Variants in LINGO2 observed in about 807,000 individuals in gnomAD.
LINGO2 encodes the protein leucine rich repeat and Ig domain containing 2, also known as leucine-rich repeat and immunoglobulin-like domain-containing nogo receptor-interacting protein 2.
A neutral mutation model predicts 30.6 loss-of-function variants in LINGO2; 14 were observed. The ratio of observed to expected loss-of-function variants is 0.46; its 90% CI spans 0.30 to 0.72. LINGO2 has a LOEUF of 0.72. LINGO2 is among the 30% of genes least tolerant of loss of function. The pLI, the probability that LINGO2 is intolerant of heterozygous loss-of-function variation, is 0.07. For synonymous variants in LINGO2, 317 were observed against 288.5 expected, an observed-to-expected ratio of 1.10 and a Z score of -1.00; for missense variants, 729 against 751.7, an observed-to-expected ratio of 0.97 and a Z score of 0.35.
At chr9:28,821,952 A>C in the LINGO2 span, among the ~76,000 whole-genome samples, 1 of 152,200 alleles carries the variant, frequency 6.6e-6, no homozygotes, top group Non-Finnish European at 1.5e-5. Flanking sequence ...CACTGACAGA[A>C]GGAGTCAAGG....
chr9:28,078,286 T>A (rs1177278931), intron 4 of LINGO2, among the ~76,000 whole-genome samples: 2 of 148,886 alleles, frequency 1.3e-5, no homozygotes, highest in African/African-American at 5.2e-5. Flanking sequence ...GCAGGGCAAC[T>A]GAGAGGATGT....
At chr9:27,952,862 G>A (rs940970941) in intron 5 of LINGO2, among the ~76,000 whole-genome samples, 6 of 152,042 alleles carry the variant, frequency 3.9e-5, no homozygotes, top group Non-Finnish European at 7.4e-5. Flanking sequence ...AGAAACCCAG[G>A]AAGGAAGAGA....
the LINGO2 span, among the ~76,000 whole-genome samples, chr9:28,977,120 A>G: frequency 4.6e-5 from 7 of 152,144 alleles, no homozygotes; most frequent in Non-Finnish European, 8.8e-5. Flanking sequence ...AAAGTTACCA[A>G]TCTTCTCATA....
the LINGO2 span, among the ~76,000 whole-genome samples, chr9:28,995,664 T>C: frequency 6.6e-6 from 1 of 152,274 alleles, no homozygotes; most frequent in East Asian, 1.9e-4. Context: ...ATGTGGCACA[T>C]ATACACTATG....
chr9:28,178,271 G>A lies in LINGO2; in HGVS notation c.-87+116937C>T, dbSNP rs547905150. Among the ~76,000 whole-genome samples the A allele has an allele frequency of 9.2e-5, 14 of 152,180 alleles. No homozygotes were observed. In the East Asian group the frequency reaches 2.5e-3, roughly 27 times the overall value. On this transcript the variant is annotated intron_variant, in intron 4 of 5. Transcript: ENST00000379992. ...TAAATTGTGACTTAGAGACGGTAGC[G>A]TATACATTATATTAAAATGTCTGGG...
chr9:28,917,944 G>C, the LINGO2 span, among the ~76,000 whole-genome samples: 2 of 151,974 alleles, frequency 1.3e-5, no homozygotes, highest in Admixed American at 6.6e-5. Flanking sequence ...AGGCATATCT[G>C]CTGTGACAAA....
intron 1 of LINGO2, among the ~76,000 whole-genome samples, chr9:28,531,477 A>C (rs1287622573): frequency 6.6e-6 from 1 of 152,088 alleles, no homozygotes; most frequent in Non-Finnish European, 1.5e-5. Context: ...GCAACATCTG[A>C]CTTCATAGTT....
At chr9:28,771,268 C>CT in the LINGO2 span, among the ~76,000 whole-genome samples, 39,373 of 146,740 alleles carry the variant, frequency 0.27, 5,743 homozygotes, top group Middle Eastern at 0.41. Context: ...GAACAAAGAG[C>CT]TTTTTTTTTT....
the LINGO2 span, among the ~76,000 whole-genome samples, chr9:29,209,328 A>T: frequency 3.5e-4 from 54 of 152,266 alleles, no homozygotes; most frequent in South Asian, 1.5e-3. Context: ...GAACTCCCTA[A>T]AGACCCAAAC....
At chr9:28,033,609 G>GT (rs1057098848) in intron 4 of LINGO2, among the ~76,000 whole-genome samples, 9 of 151,928 alleles carry the variant, frequency 5.9e-5, no homozygotes, top group African/African-American at 1.9e-4. Flanking sequence ...TTCTCTCCTA[G>GT]TTTTTTTATA....
chr9:29,000,107 C>G, the LINGO2 span, among the ~76,000 whole-genome samples: 4 of 151,888 alleles, frequency 2.6e-5, no homozygotes, highest in Admixed American at 6.6e-5. Context: ...AGTACTTGTT[C>G]TTTTTCCACA....
chr9:28,673,678 T>TCATCAC (rs1563907582), upstream of LINGO2, among the ~76,000 whole-genome samples: 1 of 151,396 alleles, frequency 6.6e-6, no homozygotes, highest in African/African-American at 2.4e-5. Context: ...ATCATCATCA[T>TCATCAC]CATCATCATC....
intron 4 of LINGO2, among the ~76,000 whole-genome samples, chr9:28,028,453 T>C (rs576709477): frequency 5.9e-5 from 9 of 152,248 alleles, no homozygotes; most frequent in African/African-American, 2.2e-4. Context: ...TAGGTTTCTA[T>C]AGATGCTATA....
chr9:28,548,894 T>C (rs1285055954), intron 1 of LINGO2, among the ~76,000 whole-genome samples: 1 of 151,938 alleles, frequency 6.6e-6, no homozygotes, highest in Non-Finnish European at 1.5e-5. Flanking sequence ...TTATTCATTT[T>C]ACATATTTAT....
intron 2 of LINGO2, among the ~76,000 whole-genome samples, chr9:28,378,215 T>C (rs1821206648): frequency 6.6e-6 from 1 of 152,184 alleles, no homozygotes; most frequent in South Asian, 2.1e-4. Context: ...TATCCTAACC[T>C]GTCCATGGTG....
intron 4 of LINGO2, among the ~76,000 whole-genome samples, chr9:28,072,934 T>C (rs1195243757): frequency 2.0e-5 from 3 of 152,084 alleles, no homozygotes; most frequent in Non-Finnish European, 2.9e-5. Flanking sequence ...CTTAATTCTG[T>C]TCAGGCCTGT....
intron 1 of LINGO2, among the ~76,000 whole-genome samples, chr9:28,591,866 C>A (rs1408447002): frequency 1.3e-5 from 2 of 152,012 alleles, no homozygotes; most frequent in African/African-American, 4.8e-5. Flanking sequence ...TCAGTGCCCA[C>A]ACTTGGCACA....
chr9:28,378,426 A>G (rs1158416419), intron 2 of LINGO2, among the ~76,000 whole-genome samples: 5 of 152,192 alleles, frequency 3.3e-5, no homozygotes, highest in African/African-American at 4.8e-5. Flanking sequence ...AATCTGTGTT[A>G]TATATCCCAT....
At chr9:28,047,782 GAACAAGA>G (rs1289107585) in intron 4 of LINGO2, among the ~76,000 whole-genome samples, 5 of 116,188 alleles carry the variant, frequency 4.3e-5, no homozygotes, top group Non-Finnish European at 9.3e-5. Context: ...AAATTATACT[GAACAAGA>G]AAAGAGCAAA....
Sources: allele counts gnomAD v4.1 joint callset (sites outside exome capture counted in the v4.1 genomes callset), GRCh38; gene constraint gnomAD v4.1.1; transcripts MANE v1.5; gene names NCBI Gene and HGNC (gene_info 2026-07-23, HGNC 2026-07-21).